The following IFT122 variants were observed in gnomAD, a reference collection of about 807,000 sequenced individuals.
IFT122 encodes intraflagellar transport 122, also known as intraflagellar transport protein 122 homolog.
A neutral mutation model predicts 161.6 loss-of-function variants in IFT122; 118 were observed. That is an observed-to-expected ratio of 0.73 (90% CI 0.63 to 0.85). IFT122 has a LOEUF of 0.85. Among genes scored for constraint, IFT122 ranks in the 40% least tolerant of loss-of-function variants. The pLI, the probability that IFT122 is intolerant of heterozygous loss-of-function variation, is 0.00. For synonymous variants in IFT122, 550 were observed against 602.4 expected (o/e 0.91, Z 1.27); for missense variants, 1,381 against 1,579.6 (o/e 0.87, Z 2.13).
rs750202030 is a variant in IFT122 at position 129,520,308 on chromosome 3, G to A, written c.*43G>A. The stretch of plus-strand genomic sequence containing the variant: ...GCCTGCACCCTCTGCCCGCCTTGGG[G>A]TCTGCTGGGCTGTGAAGGAGAATAA... On this transcript the variant is annotated 3_prime_UTR_variant, in exon 30 of 30. Transcript: ENST00000348417. 1.4e-6 allele frequency: 2 copies of A among 1,436,124 alleles called. No individual in the cohort carries two copies. The highest frequency in any genetic ancestry group is 1.9e-6 in the Non-Finnish European group (2 of 1,033,262). 89.0% of individuals were successfully genotyped at this position (1,436,124 alleles called of 1,614,324 possible).
chr3:129,463,777 G>A, intron 6 of IFT122, 151 bp downstream of exon 6: 1 of 675,490 alleles, frequency 1.5e-6, no homozygotes, highest in South Asian at 1.6e-5. Flanking sequence ...TCGTCTCCTC[G>A]ATGGGAAAGA....
intron 3 of IFT122, among the ~76,000 whole-genome samples, chr3:129,453,395 CAG>C (rs1462266102): frequency 5.9e-5 from 9 of 152,142 alleles, no homozygotes; most frequent in Admixed American, 2.0e-4. Context: ...GTCACTGCCT[CAG>C]AGAATGGGAC....
At chr3:129,447,217 C>T (rs2074121587) in intron 1 of IFT122, among the ~76,000 whole-genome samples, 1 of 152,140 alleles carries the variant, frequency 6.6e-6, no homozygotes, top group African/African-American at 2.4e-5. Flanking sequence ...CTCAGGAGGT[C>T]CACAGAACAT....
intron 1 of IFT122, among the ~76,000 whole-genome samples, chr3:129,441,774 CAGT>C (rs1182475971): frequency 6.6e-6 from 1 of 152,198 alleles, no homozygotes; most frequent in Non-Finnish European, 1.5e-5. Flanking sequence ...ACAGCCGTAT[CAGT>C]GAATCTTTCA....
At chr3:129,482,235 G>A (rs889145501) in intron 14 of IFT122, among the ~76,000 whole-genome samples, 3 of 152,236 alleles carry the variant, frequency 2.0e-5, no homozygotes, top group Non-Finnish European at 4.4e-5. Context: ...GGATCTTTGG[G>A]GTTGTAGGCG....
intron 19 of IFT122, among the ~76,000 whole-genome samples, chr3:129,500,581 A>G (rs919544016): frequency 6.6e-6 from 1 of 152,248 alleles, no homozygotes; most frequent in African/African-American, 2.4e-5. Context: ...AAGAATTCTT[A>G]TGGGAGGAAC....
intron 9 of IFT122, among the ~76,000 whole-genome samples, chr3:129,471,611 C>T (rs2077378671): frequency 6.6e-6 from 1 of 152,216 alleles, no homozygotes; most frequent in Admixed American, 6.5e-5. Context: ...AGCCCCAGAG[C>T]TCATGTTGTG....
chr3:129,461,509 A>G (rs149345836), intron 5 of IFT122: 3 of 609,586 alleles, frequency 4.9e-6, no homozygotes, highest in African/African-American at 1.8e-5. Flanking sequence ...CTGGTAAGAC[A>G]TCAGAGACTA....
At chr3:129,490,282 C>T (rs1487646952) in intron 16 of IFT122, among the ~76,000 whole-genome samples, 1 of 152,170 alleles carries the variant, frequency 6.6e-6, no homozygotes, top group Non-Finnish European at 1.5e-5. Context: ...CATCTAAATC[C>T]CGAGTACCCC....
chr3:129,495,413 A>G, intron 17 of IFT122, 33 bp from the exon 18 acceptor site: 1 of 1,613,244 alleles, frequency 6.2e-7, no homozygotes. Context: ...CCATGGCTGC[A>G]GAGGCCATTT....
chr3:129,476,017 T>A (rs1286054909), intron 9 of IFT122: 1 of 458,432 alleles, frequency 2.2e-6, no homozygotes, highest in African/African-American at 2.0e-5. Context: ...CCACCCACAG[T>A]CTCCATCTTG....
At chr3:129,442,064 A>G (rs963138461) in intron 1 of IFT122, among the ~76,000 whole-genome samples, 1 of 152,054 alleles carries the variant, frequency 6.6e-6, no homozygotes, top group Non-Finnish European at 1.5e-5. Flanking sequence ...TTTATGTGAA[A>G]TGGCCTAATT....
intron 3 of IFT122, among the ~76,000 whole-genome samples, chr3:129,455,898 T>G (rs1021608467): frequency 6.6e-6 from 1 of 150,618 alleles, no homozygotes; most frequent in Non-Finnish European, 1.5e-5. Context: ...TTGAATAGGC[T>G]GAGGAGGAGG....
chr3:129,465,358 C>T (rs2076626944), intron 7 of IFT122, among the ~76,000 whole-genome samples: 1 of 151,976 alleles, frequency 6.6e-6, no homozygotes, highest in Non-Finnish European at 1.5e-5. Context: ...CTACAGACGT[C>T]CCTAAAGCCT....
Position 129,514,482 on chromosome 3 carries a change from C to A in IFT122, c.3081C>A (p.Ile1027=). The change falls in exon 25 of 30, where the codon ATC becomes ATA. Residue 1027 remains isoleucine, a synonymous_variant. Coordinates refer to ENST00000348417, the MANE Select transcript of IFT122 (RefSeq NM_052989.3). Reference sequence around the variant, plus strand: ...ATGACAAGCTGCGTGGCCTGTACATCCCTGCCAGATTCCAAAAGTCCATTG... The same window carrying A: ...ATGACAAGCTGCGTGGCCTGTACATACCTGCCAGATTCCAAAAGTCCATTG... ...HAYDKLRGLY[I]PARFQKSIEL... The A allele has an allele frequency of 6.2e-7, 1 of 1,614,242 alleles. No individual in the cohort carries two copies. The highest frequency in any genetic ancestry group is 8.5e-7 in the Non-Finnish European group (1 of 1,180,036).
intron 3 of IFT122, among the ~76,000 whole-genome samples, chr3:129,457,413 C>A (rs971438730): frequency 2.6e-5 from 4 of 152,212 alleles, no homozygotes; most frequent in Non-Finnish European, 5.9e-5. Flanking sequence ...CCTCACCCTT[C>A]CCTCCGTTCC....
intron 4 of IFT122, among the ~76,000 whole-genome samples, chr3:129,459,650 C>A: frequency 8.4e-6 from 1 of 119,502 alleles, no homozygotes; most frequent in Non-Finnish European, 1.7e-5. Context: ...CCCTCCCTCC[C>A]TTCTTCCTTC....
chr3:129,487,063 T>G (rs1204028158), intron 15 of IFT122, among the ~76,000 whole-genome samples: 1 of 152,134 alleles, frequency 6.6e-6, no homozygotes, highest in Non-Finnish European at 1.5e-5. Flanking sequence ...GACTGGAAAT[T>G]TCAAAGACAG....
At chr3:129,486,023 C>T (rs983353697) in intron 15 of IFT122, among the ~76,000 whole-genome samples, 23 of 152,212 alleles carry the variant, frequency 1.5e-4, no homozygotes, top group African/African-American at 2.4e-4. Context: ...AGTAGGACAA[C>T]GAGCCCTAGG....
Sources: gnomAD v4.1 joint callset for allele counts (sites outside exome capture counted in the v4.1 genomes callset) on GRCh38, gnomAD v4.1.1 for gene constraint, MANE v1.5 for transcripts, NCBI Gene and HGNC (gene_info 2026-07-23, HGNC 2026-07-21) for gene names.